Variants in CRB3 observed in about 807,000 individuals in gnomAD.
CRB3 encodes crumbs cell polarity complex component 3, also known as protein crumbs homolog 3.
Under a neutral mutation model 10.4 loss-of-function variants are expected in CRB3, and 4 were observed. The ratio of observed to expected loss-of-function variants is 0.39; its 90% CI spans 0.19 to 0.88. The LOEUF (loss-of-function observed/expected upper bound fraction) is 0.88, where lower values mean the gene tolerates loss of function less well. Ranked by LOEUF, CRB3 falls within the 40% of genes least tolerant of loss-of-function variation. The probability of loss-of-function intolerance (pLI) is 0.39; values close to 1 mark genes in which losing one functional copy is unlikely to be tolerated. For missense variants in CRB3, 154 were observed against 160.2 expected (o/e 0.96, Z 0.21); for synonymous variants, 74 against 73.4 (o/e 1.01, Z -0.04).
intron 2 of CRB3, 200 bp from the exon 3 acceptor site, chr19:6,465,345 G>T (rs370588117): frequency 3.1e-6 from 2 of 647,082 alleles, no homozygotes; most frequent in South Asian, 3.4e-5. Flanking sequence ...ACTGGGTCGG[G>T]GGGGTGTCCT....
At chr19:6,465,725 G>C in intron 3 of CRB3, 107 bp downstream of exon 3, 1 of 1,006,348 alleles carries the variant, frequency 9.9e-7, no homozygotes, top group South Asian at 1.3e-5. Context: ...GAGGTGGCAG[G>C]TCAGGGTGGC....
rs762765623 is a variant in CRB3, at chr19:6,466,650, C to T, written c.341C>T (p.Pro114Leu). Residue 114 changes from proline to leucine, a missense_variant, in exon 4 of 4, where the codon CCG (proline) becomes CTG (leucine). Physicochemically the swap from Pro to Leu is moderately conservative, Grantham distance 98 (BLOSUM62 -3). Coordinates refer to ENST00000600229, the MANE Select transcript of CRB3 (RefSeq NM_139161.5). This position sits in a 1 kb window ranked among gnomAD's most constrained non-coding sequence, Gnocchi z 4.9. ...RVPPTPNLKL[P>L]PEERLI Reference sequence around the variant, plus strand: ...CCACCGACCCCCAACCTCAAGTTGCCGCCGGAAGAGCGGCTCATCTGAACG... The same window carrying T: ...CCACCGACCCCCAACCTCAAGTTGCTGCCGGAAGAGCGGCTCATCTGAACG... The T allele has an allele frequency of 2.4e-5, 39 of 1,601,724 alleles. No individual in the cohort carries two copies. Among genetic ancestry groups the T allele is most frequent in the South Asian group, 1.2e-4 (11 of 91,016 alleles).
chr19:6,466,418 G>A lies in CRB3; in HGVS notation c.157-48G>A. On this transcript the variant is annotated intron_variant, in intron 3 of 3. Transcript: ENST00000600229. The surrounding 1 kb of genome is among the most constrained non-coding windows in gnomAD (Gnocchi z 4.9). ...GGGGGATGCCATTCAGGTGGAGGTG[G>A]ACAGGCTACCCAGGCTCAGGTGATT... The A allele has an allele frequency of 1.3e-6, 2 of 1,537,268 alleles. No homozygotes were observed. Among genetic ancestry groups the A allele is most frequent in the Admixed American group, 3.3e-5 (2 of 59,806 alleles).
Position 6,466,808 on chromosome 19 carries a change from G to T in CRB3, c.*136G>T. 6.4e-7 allele frequency: 1 copy of T among 1,554,888 alleles called. No individual in the cohort carries two copies. The highest frequency in any genetic ancestry group is 8.7e-7 in the Non-Finnish European group (1 of 1,150,398). On this transcript the variant is annotated 3_prime_UTR_variant, in exon 4 of 4. Coordinates refer to ENST00000600229, the MANE Select transcript of CRB3 (RefSeq NM_139161.5). The surrounding 1 kb of genome is among the most constrained non-coding windows in gnomAD (Gnocchi z 4.9). ...GGGAGAGGCTGGGGGCACCCATGTGGTGGGCTCTGTGCAGCATGTTGCCTC... is the reference window on the plus strand; with the variant it reads ...GGGAGAGGCTGGGGGCACCCATGTGTTGGGCTCTGTGCAGCATGTTGCCTC...
rs2092786872 is a variant in CRB3, at chr19:6,464,847, T to A, written c.82+64T>A. On this transcript the variant is annotated intron_variant, in intron 2 of 3. Transcript: ENST00000600229. The surrounding 1 kb of genome is among the most constrained non-coding windows in gnomAD (Gnocchi z 5.3). ...GATTCCTGGATCTCTGCTGGGGACG[T>A]GGCTTAGAAGCGCTGGGTATCTGGG... is the stretch of plus-strand genomic sequence containing the variant. 1.9e-6 allele frequency: 2 copies of A among 1,039,170 alleles called. No individual in the cohort carries two copies. The highest frequency in any genetic ancestry group is 4.9e-5 in the South Asian group (1 of 20,502). 64.4% of individuals were successfully genotyped at this position (1,039,170 alleles called of 1,614,324 possible).
Position 6,467,024 on chromosome 19 carries a change from T to C in CRB3, c.*352T>C. 1 of 1,613,166 alleles carries C rather than the reference T, an allele frequency of 6.2e-7. No individual in the cohort carries two copies. Among genetic ancestry groups the C allele is most frequent in the Non-Finnish European group, 8.5e-7 (1 of 1,179,334 alleles). On this transcript the variant is annotated 3_prime_UTR_variant, in exon 4 of 4. Transcript: ENST00000600229. ...GTGCAGGGCTGCCTGCCCATCTAGG[T>C]CCCCTCTCCTGCATCTGTCTCCCTT...
In CRB3 at chr19:6,467,130, G is replaced by A. The variant is rs2092799580; in HGVS notation, c.*458G>A. 3.1e-6 allele frequency: 3 copies of A among 953,226 alleles called. No homozygotes were observed. Among genetic ancestry groups the A allele is most frequent in the Non-Finnish European group, 4.9e-6 (3 of 617,144 alleles). The allele number at this position is 953,226 out of a possible 1,614,324, so 59.0% of individuals were successfully genotyped here. ...CCAGTGCTTAATAGCAGGGAAGAAG[G>A]TACTTCAAAGACTCTGCCCCTGAGG... On this transcript the variant is annotated 3_prime_UTR_variant, in exon 4 of 4. Transcript: ENST00000600229.
In CRB3 at chr19:6,464,766, G is replaced by A; in HGVS notation, c.65G>A (p.Gly22Asp). 7.9e-7 allele frequency: 1 copy of A among 1,269,166 alleles called. No individual in the cohort carries two copies. 78.6% of individuals were successfully genotyped at this position (1,269,166 alleles called of 1,614,324 possible). A position where few individuals can be genotyped will look rare whatever the true frequency, so the allele number is the denominator to read the frequency against. Reference sequence around the variant, plus strand: ...CTGCCGTTCCTGCTGGCCCGCTGGGGCCGAGCCTGGGGGCAAAGTAGGTAC... The same window carrying A: ...CTGCCGTTCCTGCTGGCCCGCTGGGACCGAGCCTGGGGGCAAAGTAGGTAC... ...LGLPFLLARW[G>D]RAWGQIQTTS... Residue 22 changes from glycine to aspartate, a missense_variant, in exon 2 of 4, where the codon GGC becomes GAC. Transcript: ENST00000600229. This position sits in a 1 kb window ranked among gnomAD's most constrained non-coding sequence, Gnocchi z 5.3.
intron 3 of CRB3, among the ~76,000 whole-genome samples, chr19:6,465,967 G>A (rs922570999): frequency 6.6e-6 from 1 of 152,118 alleles, no homozygotes; most frequent in Non-Finnish European, 1.5e-5. Flanking sequence ...TTGGGAGGCC[G>A]AGGCAGGAAA....
Position 6,464,641 on chromosome 19 carries a change from C to A in CRB3, c.-61C>A, listed in dbSNP as rs1365007253. Reference sequence around the variant, plus strand: ...TCGCAGGTGCCCCTGGCCGGAGATGCGGTAGGAGGGGCGAGCGCGAGAAGC... The same window carrying A: ...TCGCAGGTGCCCCTGGCCGGAGATGAGGTAGGAGGGGCGAGCGCGAGAAGC... On this transcript the variant is annotated 5_prime_UTR_variant, in exon 2 of 4. Transcript: ENST00000600229. The surrounding 1 kb of genome is among the most constrained non-coding windows in gnomAD (Gnocchi z 5.3). 1 of 1,045,332 alleles carries A rather than the reference C, an allele frequency of 9.6e-7. No individual in the cohort carries two copies. Among genetic ancestry groups the A allele is most frequent in the African/African-American group, 1.6e-5 (1 of 60,902 alleles). The allele number at this position is 1,045,332 out of a possible 1,614,324, so 64.8% of individuals were successfully genotyped here. A position where few individuals can be genotyped will look rare whatever the true frequency, so the allele number is the denominator to read the frequency against.
At chr19:6,463,792 T>C (rs1339646311), upstream of CRB3, 1 of 152,124 alleles carries the variant, frequency 6.6e-6, no homozygotes, top group Non-Finnish European at 1.5e-5. Context: ...TATTTATTTA[T>C]TTTTTGTAGA....
In CRB3 at chr19:6,466,317, C is replaced by A. The variant is rs2092794009; in HGVS notation, c.157-149C>A. On this transcript the variant is annotated intron_variant, in intron 3 of 3. Coordinates refer to ENST00000600229, the MANE Select transcript of CRB3 (RefSeq NM_139161.5). The surrounding 1 kb of genome is among the most constrained non-coding windows in gnomAD (Gnocchi z 4.9). ...AGGTAGGTAGGGATCCAGGAAGCCC[C>A]ACTGTGGGGATCAGATCACCAAAAG... The A allele has an allele frequency of 2.0e-5, 15 of 741,532 alleles. No homozygotes were observed. The South Asian group carries it at 2.3e-4, about 11-fold the overall frequency. 45.9% of individuals were successfully genotyped at this position (741,532 alleles called of 1,614,324 possible).
Position 6,464,889 on chromosome 19 carries a change from G to T in CRB3, c.82+106G>T. On this transcript the variant is annotated intron_variant, in intron 2 of 3. Transcript: ENST00000600229. This position sits in a 1 kb window ranked among gnomAD's most constrained non-coding sequence, Gnocchi z 5.3. ...GTATCTGGGGCGCAGAGAGGGTCAA[G>T]AATTGGGGAGCGGGGAAGAAATACC... The T allele has an allele frequency of 1.7e-6, 1 of 580,266 alleles. No individual in the cohort carries two copies. Among genetic ancestry groups the T allele is most frequent in the East Asian group, 3.5e-5 (1 of 28,790 alleles). 35.9% of individuals were successfully genotyped at this position (580,266 alleles called of 1,614,324 possible). A position where few individuals can be genotyped will look rare whatever the true frequency, so the allele number is the denominator to read the frequency against.
At position 6,464,676 on chromosome 19, in the gene CRB3, G is replaced by C. The variant is rs911471678; in HGVS notation, c.-26G>C. ...GGCGAGCGCGAGAAGCCCCTTCCTC[G>C]GCGCTGCCAACCCGCCACCCAGCCC... On this transcript the variant is annotated 5_prime_UTR_variant, in exon 2 of 4. Coordinates refer to ENST00000600229, the MANE Select transcript of CRB3 (RefSeq NM_139161.5). This position sits in a 1 kb window ranked among gnomAD's most constrained non-coding sequence, Gnocchi z 5.3. 8.1e-7 allele frequency: 1 copy of C among 1,227,674 alleles called. No individual in the cohort carries two copies. The highest frequency in any genetic ancestry group is 3.1e-5 in the East Asian group (1 of 31,854). 76.0% of individuals were successfully genotyped at this position (1,227,674 alleles called of 1,614,324 possible). A position where few individuals can be genotyped will look rare whatever the true frequency, so the allele number is the denominator to read the frequency against.
Position 6,464,799 on chromosome 19 carries a change from G to C in CRB3, c.82+16G>C. ...TGGGGGCAAAGTAGGTACCAGCTGA[G>C]AGCGCTGGGGGGGAGGGGTCTGGAT... On this transcript the variant is annotated intron_variant, in intron 2 of 3. Transcript: ENST00000600229. The surrounding 1 kb of genome is among the most constrained non-coding windows in gnomAD (Gnocchi z 5.3). 1 of 1,249,846 alleles carries C rather than the reference G, an allele frequency of 8.0e-7. No individual in the cohort carries two copies. 77.4% of individuals were successfully genotyped at this position (1,249,846 alleles called of 1,614,324 possible). A position where few individuals can be genotyped will look rare whatever the true frequency, so the allele number is the denominator to read the frequency against.
chr19:6,464,948 G>C lies in CRB3; in HGVS notation c.82+165G>C. On this transcript the variant is annotated intron_variant, in intron 2 of 3. Transcript: ENST00000600229. The surrounding 1 kb of genome is among the most constrained non-coding windows in gnomAD (Gnocchi z 5.3). Reference sequence around the variant, plus strand: ...GGGTCTACAGGGTTAGGGCTCGGGGGGATTAAGATTTCTAGTTTCTTCCTT... The same window carrying C: ...GGGTCTACAGGGTTAGGGCTCGGGGCGATTAAGATTTCTAGTTTCTTCCTT... The C allele has an allele frequency of 2.5e-6, 1 of 405,834 alleles. No homozygotes were observed. Among genetic ancestry groups the C allele is most frequent in the Non-Finnish European group, 4.3e-6 (1 of 233,324 alleles). 25.1% of individuals were successfully genotyped at this position (405,834 alleles called of 1,614,324 possible).
chr19:6,466,840 G>T lies in CRB3; in HGVS notation c.*168G>T, dbSNP rs781351451. ...CTGTGCAGCATGTTGCCTCTGCTTGGCTGTGCCTGCAGCTCAGGGTGCTGG... is the reference window on the plus strand; with the variant it reads ...CTGTGCAGCATGTTGCCTCTGCTTGTCTGTGCCTGCAGCTCAGGGTGCTGG... On this transcript the variant is annotated 3_prime_UTR_variant, in exon 4 of 4. Transcript: ENST00000600229. The surrounding 1 kb of genome is among the most constrained non-coding windows in gnomAD (Gnocchi z 4.9). The T allele has an allele frequency of 3.8e-5, 60 of 1,559,826 alleles. No homozygotes were observed. The highest frequency in any genetic ancestry group is 1.7e-4 in the Middle Eastern group (1 of 5,798).
At chr19:6,465,109 T>G (rs906908051) in intron 2 of CRB3, 4 of 295,486 alleles carry the variant, frequency 1.4e-5, no homozygotes, top group East Asian at 5.9e-5. Flanking sequence ...CAGGTGTTTT[T>G]GGGTGAACTG....
chr19:6,467,082 C>T lies in CRB3; in HGVS notation c.*410C>T. Reference sequence around the variant, plus strand: ...GTGTGACCTTGGGGAAAGGCAGTGCCCTCTCTGGGCAGTCAGATCCACCCA... The same window carrying T: ...GTGTGACCTTGGGGAAAGGCAGTGCTCTCTCTGGGCAGTCAGATCCACCCA... On this transcript the variant is annotated 3_prime_UTR_variant, in exon 4 of 4. Transcript: ENST00000600229. 1 of 1,487,172 alleles carries T rather than the reference C, an allele frequency of 6.7e-7. No homozygotes were observed. Among genetic ancestry groups the T allele is most frequent in the Non-Finnish European group, 9.4e-7 (1 of 1,068,888 alleles). The allele number at this position is 1,487,172 out of a possible 1,614,324, so 92.1% of individuals were successfully genotyped here.
Sources: gnomAD v4.1 joint callset for allele counts (sites outside exome capture counted in the v4.1 genomes callset) on GRCh38, gnomAD v4.1.1 for gene constraint, Gnocchi (gnomAD v3.1) non-coding constraint, MANE v1.5 for transcripts, NCBI Gene and HGNC (gene_info 2026-07-23, HGNC 2026-07-21) for gene names.